BMPR2: variants seen among roughly 807,000 people sequenced by gnomAD.
BMPR2 encodes bone morphogenetic protein receptor type 2.
Under a neutral mutation model 100.8 loss-of-function variants are expected in BMPR2, and 29 were observed. The ratio of observed to expected loss-of-function variants is 0.29; its 90% confidence interval spans 0.21 to 0.39. The LOEUF (loss-of-function observed/expected upper bound fraction) is 0.39. BMPR2 is among the 10% of genes least tolerant of loss of function. The probability of loss-of-function intolerance (pLI) is 1.00; values close to 1 mark genes in which losing one functional copy is unlikely to be tolerated. For synonymous variants in BMPR2, 382 were observed against 442.3 expected (o/e 0.86, Z 1.71); for missense variants, 1,011 against 1,274.5 (o/e 0.79, Z 3.15).
rs1159816894 is a variant in BMPR2 at position 202,563,044 on chromosome 2, G to T, written c.*3098G>T. The T allele has an allele frequency of 6.6e-6, 1 of 152,154 alleles. No individual in the cohort carries two copies. Among genetic ancestry groups the T allele is most frequent in the African/African-American group, 2.4e-5 (1 of 41,426 alleles). The allele number at this position is 152,154 out of a possible 1,614,324, so 9.4% of individuals were successfully genotyped here. A position where few individuals can be genotyped will look rare whatever the true frequency, so the allele number is the denominator to read the frequency against. ...CACATCTAGTAACAGACAAAGCTGG[G>T]ATTTCAGTCTATGTCTGCCTCTCTC... On this transcript the variant is annotated 3_prime_UTR_variant, in exon 13 of 13. Coordinates refer to ENST00000374580, the MANE Select transcript of BMPR2 (RefSeq NM_001204.7).
At position 202,394,702 on chromosome 2, in the gene BMPR2, C is replaced by G. The variant is rs573997344; in HGVS notation, c.76+17152C>G. Among the ~76,000 whole-genome samples the G allele has an allele frequency of 2.6e-5, 4 of 152,036 alleles. No individual in the cohort carries two copies. The South Asian group carries it at 8.3e-4, about 32-fold the overall frequency. ...CCTCCTTGTGGCAGGTATTATACTA[C>G]GTGCTTTATTTAACCTGATTCTTAT... On this transcript the variant is annotated intron_variant, in intron 1 of 12. Transcript: ENST00000374580.
chr2:202,439,903 G>T (rs753661421), intron 1 of BMPR2, among the ~76,000 whole-genome samples: 4 of 150,202 alleles, frequency 2.7e-5, no homozygotes, highest in Admixed American at 2.0e-4. Flanking sequence ...GCGGCCTTCC[G>T]CAGTGTTTGT....
chr2:202,434,412 A>G (rs989027620), intron 1 of BMPR2, among the ~76,000 whole-genome samples: 1 of 150,426 alleles, frequency 6.6e-6, no homozygotes, highest in African/African-American at 2.5e-5. Flanking sequence ...AAAGAATGAT[A>G]ACATCTGCTT....
At chr2:202,390,179 T>A (rs905957838) in intron 1 of BMPR2, among the ~76,000 whole-genome samples, 1 of 152,144 alleles carries the variant, frequency 6.6e-6, no homozygotes, top group Non-Finnish European at 1.5e-5. Context: ...ACATAAAGTT[T>A]TGTGATTATT....
In BMPR2 at chr2:202,397,668, T is replaced by A. The variant is rs115187941; in HGVS notation, c.76+20118T>A. On this transcript the variant is annotated intron_variant, in intron 1 of 12. Transcript: ENST00000374580. ...GGCATGCCACCACGCCCACCTAATT[T>A]AAAAAATTTTTTTTAGAGACAGGGT... Among the ~76,000 whole-genome samples the A allele has an allele frequency of 6.0e-3, 904 of 151,640 alleles. 15 individuals are homozygous for A. The highest frequency in any genetic ancestry group is 0.021 in the African/African-American group (861 of 41,466).
chr2:202,400,395 C>G (rs1016644661), intron 1 of BMPR2, among the ~76,000 whole-genome samples: 1 of 150,270 alleles, frequency 6.7e-6, no homozygotes, highest in Non-Finnish European at 1.5e-5. Context: ...AGAGGATCTT[C>G]CTGCCTTGGC....
In BMPR2 at chr2:202,555,527, C is replaced by T. The variant is rs147943794; in HGVS notation, c.1862C>T (p.Thr621Met). 3.8e-5 allele frequency: 61 copies of T among 1,614,152 alleles called. No individual in the cohort carries two copies. Among genetic ancestry groups the T allele is most frequent in the Non-Finnish European group, 4.5e-5 (53 of 1,180,022 alleles). ...NTTTTNTTGL[T>M]PSTGMTTISE... ...ACAACCACAAACACCACAGGACTCA[C>T]GCCAAGTACTGGCATGACTACTATA... The change falls in exon 12 of 13, where the codon ACG (threonine) becomes ATG (methionine). Residue 621 changes from threonine to methionine, a missense_variant. Thr to Met is a moderately conservative substitution (Grantham distance 81). This residue lies in a region of BMPR2 where 508 missense variants were observed against 552.0 expected (regional missense o/e 0.92). Coordinates refer to ENST00000374580, the MANE Select transcript of BMPR2 (RefSeq NM_001204.7).
rs1389319413 is a variant in BMPR2, at chr2:202,495,316, T to C, written c.419-18403T>C. On this transcript the variant is annotated intron_variant, in intron 3 of 12. Coordinates refer to ENST00000374580, the MANE Select transcript of BMPR2 (RefSeq NM_001204.7). This position sits in a 1 kb window ranked among gnomAD's most constrained non-coding sequence, Gnocchi z 4.5. ...AACCAGAAGGGAGATGGTTTTCTCC[T>C]GGAGTTGGGCCGCTTGGTGGCCAGG... Among the ~76,000 whole-genome samples the C allele has an allele frequency of 6.6e-6, 1 of 152,240 alleles. No homozygotes were observed. The highest frequency in any genetic ancestry group is 1.9e-4 in the East Asian group (1 of 5,202).
At chr2:202,379,050 C>T (rs1021236021) in intron 1 of BMPR2, among the ~76,000 whole-genome samples, 28 of 152,088 alleles carry the variant, frequency 1.8e-4, no homozygotes, top group African/African-American at 6.8e-4. Flanking sequence ...TTTGGTAATA[C>T]AATCATCTTA....
chr2:202,379,487 C>T (rs1449259048), intron 1 of BMPR2, among the ~76,000 whole-genome samples: 4 of 152,192 alleles, frequency 2.6e-5, no homozygotes, highest in African/African-American at 4.8e-5. Flanking sequence ...AGTAATTAGC[C>T]TTCACCAGAT....
At chr2:202,513,549 A>G (rs1160270298) in intron 3 of BMPR2, among the ~76,000 whole-genome samples, 170 bp from the exon 4 acceptor site, 1 of 152,200 alleles carries the variant, frequency 6.6e-6, no homozygotes, top group African/African-American at 2.4e-5. Flanking sequence ...TAAAAAATAT[A>G]ATTTGTAATT....
At chr2:202,529,574 A>G (rs956657096) in intron 7 of BMPR2, among the ~76,000 whole-genome samples, 1 of 152,180 alleles carries the variant, frequency 6.6e-6, no homozygotes, top group African/African-American at 2.4e-5. Context: ...GCAGGAATTG[A>G]GTAGGAGCCA....
At chr2:202,544,537 C>T (rs1688338384) in intron 10 of BMPR2, among the ~76,000 whole-genome samples, 1 of 152,094 alleles carries the variant, frequency 6.6e-6, no homozygotes. Context: ...CAGTGCCATC[C>T]TGAATCGTTT....
intron 1 of BMPR2, among the ~76,000 whole-genome samples, chr2:202,438,802 T>A (rs1574449399): frequency 6.6e-6 from 1 of 150,690 alleles, no homozygotes; most frequent in South Asian, 2.1e-4. Context: ...GAACTCTCAA[T>A]TCCATTCCAT....
intron 7 of BMPR2, among the ~76,000 whole-genome samples, chr2:202,525,668 T>C (rs183370889): frequency 7.2e-5 from 11 of 152,210 alleles, no homozygotes; most frequent in African/African-American, 1.9e-4. Flanking sequence ...ATAGTTGTTG[T>C]TGATGTTGTT....
In BMPR2 at chr2:202,428,544, G is replaced by A. The variant is rs1318592818; in HGVS notation, c.77-36265G>A. Among the ~76,000 whole-genome samples, 11 of 151,576 alleles carry A rather than the reference G, an allele frequency of 7.3e-5. No homozygotes were observed. In the East Asian group the frequency reaches 2.1e-3, roughly 29 times the overall value. ...CTCCAGAGTAGCTAGGACCACAGGT[G>A]CATGCCACCACACCCTGGCTAATTT... On this transcript the variant is annotated intron_variant, in intron 1 of 12. Transcript: ENST00000374580.
intron 1 of BMPR2, among the ~76,000 whole-genome samples, chr2:202,399,901 C>T (rs1276705082): frequency 2.6e-5 from 4 of 152,112 alleles, no homozygotes; most frequent in Non-Finnish European, 5.9e-5. Flanking sequence ...TACTTGATCC[C>T]AGGAGTTCCA....
intron 1 of BMPR2, among the ~76,000 whole-genome samples, chr2:202,431,542 C>T (rs537098463): frequency 6.6e-6 from 1 of 150,572 alleles, no homozygotes; most frequent in South Asian, 2.1e-4. Context: ...GTTTTTTGGT[C>T]AACAGCAGAC....
At chr2:202,469,495 T>C in intron 3 of BMPR2, 1 of 324,514 alleles carries the variant, frequency 3.1e-6, no homozygotes, top group Non-Finnish European at 6.3e-6. Flanking sequence ...ATTTATTTTT[T>C]TGAGACAGAA....
Sources: gnomAD v4.1 joint callset for allele counts (sites outside exome capture counted in the v4.1 genomes callset) on GRCh38, gnomAD v4.1.1 for gene constraint, gnomAD v4.1.1 regional missense constraint, Gnocchi (gnomAD v3.1) non-coding constraint, MANE v1.5 for transcripts, NCBI Gene and HGNC (gene_info 2026-07-23, HGNC 2026-07-21) for gene names.